Variants in UTP20 observed in about 807,000 individuals in gnomAD.
The protein encoded by UTP20 is small subunit processome component 20 homolog.
A neutral mutation model predicts 329.5 loss-of-function variants in UTP20; 164 were observed. That is an observed-to-expected ratio of 0.50 (90% confidence interval 0.44 to 0.57). The LOEUF (loss-of-function observed/expected upper bound fraction) is 0.57, where lower values mean the gene tolerates loss of function less well. Among genes scored for constraint, UTP20 ranks in the 20% least tolerant of loss-of-function variants. UTP20 has a pLI of 0.00. For missense variants in UTP20, 3,055 were observed against 3,284.2 expected (o/e 0.93, Z 1.71); for synonymous variants, 1,151 against 1,159.3 (o/e 0.99, Z 0.14).
chr12:101,355,158 T>G, intron 41 of UTP20, 40 bp downstream of exon 41: 1 of 1,586,490 alleles, frequency 6.3e-7, no homozygotes, highest in South Asian at 1.2e-5. Flanking sequence ...CTGTGTGAAT[T>G]CTGGTGTTGG....
intron 28 of UTP20, among the ~76,000 whole-genome samples, chr12:101,333,840 T>C (rs1254957774): frequency 6.6e-6 from 1 of 152,192 alleles, no homozygotes. Flanking sequence ...ATTTTTGTAT[T>C]TTTAGTAGAG....
At chr12:101,367,759 T>C (rs1870143553) in intron 47 of UTP20, 101 bp from the exon 48 acceptor site, 1 of 730,610 alleles carries the variant, frequency 1.4e-6, no homozygotes, top group Non-Finnish European at 2.4e-6. Flanking sequence ...AATAGAAGTA[T>C]CTTAACATTT....
intron 4 of UTP20, 81 bp downstream of exon 4, chr12:101,285,962 C>T (rs931979471): frequency 2.9e-5 from 44 of 1,535,280 alleles, no homozygotes; most frequent in East Asian, 2.0e-4. Context: ...CTACATATAC[C>T]GCAGATCAGG....
At chr12:101,290,105 A>G in intron 6 of UTP20, 32 bp from the exon 7 acceptor site, 1 of 1,457,486 alleles carries the variant, frequency 6.9e-7, no homozygotes, top group East Asian at 2.3e-5. Context: ...ATGTTTGTGA[A>G]TATAATTTTC....
chr12:101,369,584 A>T, intron 48 of UTP20, 137 bp from the exon 49 acceptor site: 3 of 558,492 alleles, frequency 5.4e-6, no homozygotes. Context: ...TTTTGGGCAC[A>T]GTTCTTCCAG....
intron 19 of UTP20, among the ~76,000 whole-genome samples, chr12:101,311,131 C>G (rs1872776249): frequency 6.6e-6 from 1 of 152,126 alleles, no homozygotes; most frequent in African/African-American, 2.4e-5. Context: ...CAGTTCCCAA[C>G]ATATATAATA....
chr12:101,281,286 C>G, intron 2 of UTP20, 90 bp downstream of exon 2: 2 of 1,127,242 alleles, frequency 1.8e-6, no homozygotes, highest in Non-Finnish European at 2.6e-6. Flanking sequence ...TCAAGGTATT[C>G]CTTTTTGGAC....
chr12:101,353,774 T>C (rs929511902), intron 40 of UTP20, among the ~76,000 whole-genome samples: 6 of 152,210 alleles, frequency 3.9e-5, no homozygotes, highest in Non-Finnish European at 8.8e-5. Context: ...AAGATTGATC[T>C]GTAAAAATGT....
intron 26 of UTP20, among the ~76,000 whole-genome samples, 198 bp from the exon 27 acceptor site, chr12:101,329,043 T>A (rs1482913131): frequency 1.3e-5 from 2 of 152,162 alleles, no homozygotes; most frequent in Non-Finnish European, 2.9e-5. Context: ...TAGTTAAACC[T>A]GTCTTATGTA....
chr12:101,305,806 T>C lies in UTP20; in HGVS notation c.1782-109T>C, dbSNP rs527893222. The C allele has an allele frequency of 2.3e-5, 30 of 1,298,262 alleles. No homozygotes were observed. The East Asian group carries it at 7.4e-4, about 32-fold the overall frequency. The allele number at this position is 1,298,262 out of a possible 1,614,324, so 80.4% of individuals were successfully genotyped here. A position where few individuals can be genotyped will look rare whatever the true frequency, so the allele number is the denominator to read the frequency against. ...GATATCCACGTGAGACTTTTGCCTG[T>C]TACCTTTTACATTTTCTTCATCAGT... On this transcript the variant is annotated intron_variant, in intron 15 of 61. Coordinates refer to ENST00000261637, the MANE Select transcript of UTP20 (RefSeq NM_014503.3).
intron 24 of UTP20, 140 bp from the exon 25 acceptor site, chr12:101,321,364 G>C (rs2137260468): frequency 8.2e-7 from 1 of 1,224,264 alleles, no homozygotes; most frequent in East Asian, 2.6e-5. Flanking sequence ...TTTTTTTGAG[G>C]ATTTTCCTTT....
chr12:101,302,389 G>C, intron 14 of UTP20, 59 bp from the exon 15 acceptor site: 2 of 1,022,426 alleles, frequency 2.0e-6, no homozygotes, highest in Non-Finnish European at 3.0e-6. Flanking sequence ...TAAGGTGTTT[G>C]ATAGTTAATA....
chr12:101,378,234 T>A, intron 56 of UTP20, among the ~76,000 whole-genome samples: 1 of 152,206 alleles, frequency 6.6e-6, no homozygotes, highest in South Asian at 2.1e-4. Flanking sequence ...AGATGGAAAT[T>A]ATAATTCCAA....
At chr12:101,350,435 G>T (rs1869478895) in intron 38 of UTP20, among the ~76,000 whole-genome samples, 1 of 152,160 alleles carries the variant, frequency 6.6e-6, no homozygotes, top group South Asian at 2.1e-4. Flanking sequence ...GGGACTACAG[G>T]CGAGCATCAC....
intron 21 of UTP20, among the ~76,000 whole-genome samples, chr12:101,317,097 G>T (rs1448149028): frequency 6.6e-6 from 1 of 152,186 alleles, no homozygotes; most frequent in African/African-American, 2.4e-5. Context: ...GAATGTATCT[G>T]ATGGAAAGTG....
chr12:101,385,810 TAGGG>T (rs1472121473), intron 61 of UTP20, 82 bp downstream of exon 61: 2 of 1,533,628 alleles, frequency 1.3e-6, no homozygotes, highest in Non-Finnish European at 8.7e-7. Flanking sequence ...CACTTACACT[TAGGG>T]AGGATCAAGG....
chr12:101,285,499 CATT>C, intron 2 of UTP20, 68 bp from the exon 3 acceptor site: 2 of 1,477,520 alleles, frequency 1.4e-6, no homozygotes, highest in Middle Eastern at 2.3e-4. Context: ...ATTAATATAT[CATT>C]ATTCTATTTA....
intron 44 of UTP20, 82 bp downstream of exon 44, chr12:101,362,142 A>G: frequency 2.1e-6 from 2 of 964,970 alleles, no homozygotes. Context: ...ATAAGAAATA[A>G]TAATAGCCCA....
At chr12:101,349,345 G>A (rs1869440901) in intron 38 of UTP20, among the ~76,000 whole-genome samples, 1 of 151,134 alleles carries the variant, frequency 6.6e-6, no homozygotes, top group Non-Finnish European at 1.5e-5. Context: ...CTTGTGCTTG[G>A]GGTTCATTGA....
Sources: gnomAD v4.1 joint callset for allele counts (sites outside exome capture counted in the v4.1 genomes callset) on GRCh38, gnomAD v4.1.1 for gene constraint, MANE v1.5 for transcripts, NCBI Gene and HGNC (gene_info 2026-07-23, HGNC 2026-07-21) for gene names.